The following PJVK variants were observed in gnomAD, a reference collection of about 807,000 sequenced individuals.
The protein encoded by PJVK is pejvakin.
Under a neutral mutation model 37.6 loss-of-function variants are expected in PJVK, and 33 were observed. The observed-to-expected ratio is 0.88, with a 90% CI of 0.67 to 1.17. The LOEUF (loss-of-function observed/expected upper bound fraction) is 1.17. Among genes scored for constraint, PJVK ranks in the 50% most tolerant of loss-of-function variants. PJVK has a pLI of 0.00. For missense variants in PJVK, 410 were observed against 413.8 expected (o/e 0.99, Z 0.08); for synonymous variants, 141 against 143.5 (o/e 0.98, Z 0.13).
In PJVK at chr2:178,461,584, C is replaced by CTTTTTTTTTTTTTTT. The variant is rs536141412; in HGVS notation, c.*314_*328dup. Among the ~76,000 whole-genome samples the CTTTTTTTTTTTTTTT allele has an allele frequency of 1.6e-5, 2 of 122,800 alleles. No individual in the cohort carries two copies. The highest frequency in any genetic ancestry group is 6.5e-5 in the African/African-American group (2 of 30,958). 80.6% of individuals were successfully genotyped at this position (122,800 alleles called of 152,430 possible). Reference sequence around the variant, plus strand: ...GATGTAGTCTATCATTTTAGTTCACCTTTTTTTTTTTTTTTTTTGAGACAG... The same window carrying CTTTTTTTTTTTTTTT: ...GATGTAGTCTATCATTTTAGTTCACCTTTTTTTTTTTTTTTTTTTTTTTTTTTTTTTTTGAGACAG... On this transcript the variant is annotated 3_prime_UTR_variant, in exon 7 of 7. Transcript: ENST00000644580.
In PJVK at chr2:178,461,060, T is replaced by C; in HGVS notation, c.845T>C (p.Leu282Pro). 6.2e-7 allele frequency: 1 copy of C among 1,614,112 alleles called. No individual in the cohort carries two copies. Among genetic ancestry groups the C allele is most frequent in the East Asian group, 2.2e-5 (1 of 44,868 alleles). Residue 282 changes from leucine (L) to proline (P), a missense_variant, in exon 7 of 7, where the codon CTC becomes CCC. Physicochemically the swap from Leu to Pro is moderately conservative, Grantham distance 98. Transcript: ENST00000644580. ...DLFSDYYDKP[L>P]SMTDISLKEG... ...TTTTCTGACTACTATGACAAACCTC[T>C]CAGCATGACTGATATTTCACTCAAA...
rs924261195 is a variant in PJVK at position 178,454,379 on chromosome 2, T to C, written c.259T>C (p.Ser87Pro). 3.1e-6 allele frequency: 5 copies of C among 1,613,776 alleles called. No homozygotes were observed. Among genetic ancestry groups the C allele is most frequent in the African/African-American group, 1.3e-5 (1 of 74,934 alleles). Residue 87 changes from serine (S) to proline (P), a missense_variant, in exon 3 of 7, where the codon TCA (serine) becomes CCA (proline). Ser to Pro is a moderately conservative substitution (Grantham distance 74). Transcript: ENST00000644580. ...GAATTATGAAGATGAATCAGATGTTTCACTCTATGGAAGGCGAGGTAACCA... is the reference window on the plus strand; with the variant it reads ...GAATTATGAAGATGAATCAGATGTTCCACTCTATGGAAGGCGAGGTAACCA... ...LLNYEDESDV[S>P]LYGRRGNHIV...
chr2:178,455,897 T>C (rs1684039271), intron 3 of PJVK, 113 bp from the exon 4 acceptor site: 1 of 1,251,556 alleles, frequency 8.0e-7, no homozygotes, highest in African/African-American at 1.5e-5. Flanking sequence ...TAGGATTGCC[T>C]TGATTTACTA....
Position 178,455,775 on chromosome 2 carries a change from C to T in PJVK, c.408-235C>T, listed in dbSNP as rs7605560. 0.018 allele frequency among the ~76,000 whole-genome samples: 2,674 copies of T among 152,262 alleles called. 79 individuals are homozygous for T. Among genetic ancestry groups the T allele is most frequent in the African/African-American group, 0.061 (2,549 of 41,530 alleles). Reference sequence around the variant, plus strand: ...AATCTGTCTGCAACAAATAGAGTCCCCTTCAACAGACTTTCAACAGACAGA... The same window carrying T: ...AATCTGTCTGCAACAAATAGAGTCCTCTTCAACAGACTTTCAACAGACAGA... On this transcript the variant is annotated intron_variant, in intron 3 of 6. Transcript: ENST00000644580.
intron 5 of PJVK, 105 bp from the exon 6 acceptor site, chr2:178,460,243 T>G: frequency 9.9e-7 from 1 of 1,010,444 alleles, no homozygotes; most frequent in Non-Finnish European, 1.5e-6. Flanking sequence ...AAGTCAACTT[T>G]TAAAAACAAT....
chr2:178,461,240 C>T lies in PJVK; in HGVS notation c.1025C>T (p.Pro342Leu). ...AAGTATGTGAGACTTCATGCAGTTC[C>T]TTGTTTTGATATTTGGCACAAGAGG... ...GQKYVRLHAV[P>L]CFDIWHKRMK Residue 342 changes from proline to leucine, a missense_variant, in exon 7 of 7, where the codon CCT (proline) becomes CTT (leucine). Physicochemically the swap from Pro to Leu is moderately conservative, Grantham distance 98. Coordinates refer to ENST00000644580, the MANE Select transcript of PJVK (RefSeq NM_001042702.5). 6.2e-7 allele frequency: 1 copy of T among 1,614,054 alleles called. No homozygotes were observed.
At chr2:178,453,349 A>C in intron 1 of PJVK, 39 bp from the exon 2 acceptor site, 18 of 1,566,400 alleles carry the variant, frequency 1.1e-5, no homozygotes, top group Non-Finnish European at 1.6e-5. Flanking sequence ...TTTGTGCCTG[A>C]TTTTCCTCTT....
At chr2:178,457,450 T>C (rs1575119952) in intron 4 of PJVK, among the ~76,000 whole-genome samples, 2 of 152,012 alleles carry the variant, frequency 1.3e-5, no homozygotes, top group African/African-American at 4.8e-5. Flanking sequence ...ACCTTGTCTC[T>C]ACAAAAAATA....
chr2:178,453,506 C>T lies in PJVK; in HGVS notation c.97C>T (p.Pro33Ser). ...PSLSEADKYQ[P>S]LSLVVKKKRC... ...CCTCAGTGAAGCTGACAAATATCAACCTCTAAGTCTGGTGGTAAAAAAGAA... is the reference window on the plus strand; with the variant it reads ...CCTCAGTGAAGCTGACAAATATCAATCTCTAAGTCTGGTGGTAAAAAAGAA... Residue 33 changes from proline (P) to serine (S), a missense_variant, in exon 2 of 7, where the codon CCT (proline) becomes TCT (serine). Physicochemically the swap from Pro to Ser is moderately conservative, Grantham distance 74. Coordinates refer to ENST00000644580, the MANE Select transcript of PJVK (RefSeq NM_001042702.5). 6.2e-7 allele frequency: 1 copy of T among 1,614,086 alleles called. No individual in the cohort carries two copies. The highest frequency in any genetic ancestry group is 8.5e-7 in the Non-Finnish European group (1 of 1,180,008).
At chr2:178,460,870 A>T in intron 6 of PJVK, 112 bp from the exon 7 acceptor site, 3 of 1,023,232 alleles carry the variant, frequency 2.9e-6, no homozygotes, top group Non-Finnish European at 4.2e-6. Flanking sequence ...AAAAAAAAAA[A>T]AAGCCAAATT....
At chr2:178,458,304 G>A (rs1684258043) in intron 4 of PJVK, among the ~76,000 whole-genome samples, 1 of 152,140 alleles carries the variant, frequency 6.6e-6, no homozygotes, top group Non-Finnish European at 1.5e-5. Context: ...GAAAAGTGCA[G>A]AGGTATTTCC....
chr2:178,454,079 T>C, intron 2 of PJVK: 1 of 382,670 alleles, frequency 2.6e-6, no homozygotes. Flanking sequence ...TTTCTTTTAA[T>C]TGCCCGGTGG....
chr2:178,453,615 C>G lies in PJVK; in HGVS notation c.206C>G (p.Ser69Ter). 6.2e-7 allele frequency: 1 copy of G among 1,611,194 alleles called. No homozygotes were observed. The highest frequency in any genetic ancestry group is 8.5e-7 in the Non-Finnish European group (1 of 1,178,280). The change falls in exon 2 of 7, where the codon TCA becomes TGA. Residue 69 changes from serine to a stop codon, truncating the protein, a stop_gained. Coordinates refer to ENST00000644580, the MANE Select transcript of PJVK (RefSeq NM_001042702.5). LOFTEE classifies it high-confidence loss of function. ...ATTCTCCTAGGAGACAGAGAAATTT[C>G]AGCTGGTAAGTTTAAATGTTTGGGA... ...KDILLGDREI[S>*]AGISSYQLLN...
At chr2:178,455,366 AT>A in intron 3 of PJVK, 1 of 1,314,644 alleles carries the variant, frequency 7.6e-7, no homozygotes, top group African/African-American at 1.4e-5. Flanking sequence ...GAAACAGGAG[AT>A]TCTGAAGAAG....
chr2:178,459,180 C>T (rs1684328200), intron 5 of PJVK: 2 of 472,096 alleles, frequency 4.2e-6, no homozygotes, highest in Non-Finnish European at 4.4e-6. Flanking sequence ...CTTTAGGTCT[C>T]TACATTTCAC....
intron 1 of PJVK, 176 bp downstream of exon 1, chr2:178,451,945 C>T (rs1489960637): frequency 3.0e-6 from 2 of 660,282 alleles, no homozygotes; most frequent in Non-Finnish European, 3.8e-6. Flanking sequence ...TGTGCTTACT[C>T]GGTGTTATGG....
In PJVK at chr2:178,455,309, G is replaced by A. The variant is rs533889303; in HGVS notation, c.408-701G>A. On this transcript the variant is annotated intron_variant, in intron 3 of 6. Transcript: ENST00000644580. ...CATCATGGTGGAAAAGACAATCTATGACCAGTAACAGAAGTCCATGGGGCT... is the reference window on the plus strand; with the variant it reads ...CATCATGGTGGAAAAGACAATCTATAACCAGTAACAGAAGTCCATGGGGCT... The A allele has an allele frequency of 5.2e-5, 70 of 1,339,946 alleles. 1 individual carries two copies. In the South Asian group the frequency reaches 8.0e-4, roughly 15 times the overall value. The allele number at this position is 1,339,946 out of a possible 1,614,324, so 83.0% of individuals were successfully genotyped here.
rs755911522 is a variant in PJVK, at chr2:178,454,451, G to T, written c.331G>T (p.Ala111Ser). ...TAACGTTGCTGGATCAGATTCCATT[G>T]CAGTGAAAGCTTCATTTGGTATAGT... ...GINVAGSDSI[A>S]VKASFGIVTK... The change falls in exon 3 of 7, where the codon GCA becomes TCA. Residue 111 changes from alanine (A) to serine (S), a missense_variant. Transcript: ENST00000644580. 3 of 1,613,940 alleles carry T rather than the reference G, an allele frequency of 1.9e-6. No individual in the cohort carries two copies. Among genetic ancestry groups the T allele is most frequent in the Non-Finnish European group, 2.5e-6 (3 of 1,179,966 alleles).
chr2:178,457,154 G>A (rs188493207), intron 4 of PJVK, among the ~76,000 whole-genome samples: 57 of 152,140 alleles, frequency 3.7e-4, no homozygotes, highest in Admixed American at 3.7e-3. Flanking sequence ...GGATGGTTTC[G>A]ATCTCCTGAC....
Sources: allele counts gnomAD v4.1 joint callset (sites outside exome capture counted in the v4.1 genomes callset), GRCh38; gene constraint gnomAD v4.1.1; transcripts MANE v1.5; gene names NCBI Gene and HGNC (gene_info 2026-07-23, HGNC 2026-07-21).